Variants in MYO1D observed in about 807,000 individuals in gnomAD.
MYO1D encodes the protein unconventional myosin-Id.
MYO1D carries 83 observed loss-of-function variants against 122.0 expected under a neutral mutation model. The observed-to-expected ratio is 0.68, with a 90% CI of 0.57 to 0.82. The LOEUF is 0.82. MYO1D is among the 40% of genes least tolerant of loss of function. MYO1D has a pLI of 0.00. For missense variants in MYO1D, 1,157 were observed against 1,269.5 expected (o/e 0.91, Z 1.35); for synonymous variants, 464 against 446.9 (o/e 1.04, Z -0.48).
At chr17:32,625,581 G>C (rs147594382) in intron 20 of MYO1D, among the ~76,000 whole-genome samples, 5 of 150,990 alleles carry the variant, frequency 3.3e-5, no homozygotes, top group African/African-American at 1.2e-4. Context: ...ATAGGGTCTC[G>C]CTCTATTGCC....
chr17:32,654,741 G>A, intron 17 of MYO1D, 120 bp from the exon 18 acceptor site: 1 of 942,094 alleles, frequency 1.1e-6, no homozygotes. Flanking sequence ...TGCATGGCAT[G>A]ATCTCAGCTC....
intron 21 of MYO1D, among the ~76,000 whole-genome samples, chr17:32,599,851 C>T (rs1281467407): frequency 6.6e-6 from 1 of 152,186 alleles, no homozygotes; most frequent in African/African-American, 2.4e-5. Context: ...CAGGGTTTCA[C>T]CATGTTGGCC....
At chr17:32,740,363 T>G (rs906093494) in intron 13 of MYO1D, among the ~76,000 whole-genome samples, 1 of 152,116 alleles carries the variant, frequency 6.6e-6, no homozygotes, top group African/African-American at 2.4e-5. Context: ...ACTGTAAAGG[T>G]TGGAAATGAA....
chr17:32,538,773 C>A (rs1453746694), intron 21 of MYO1D, among the ~76,000 whole-genome samples: 2 of 152,038 alleles, frequency 1.3e-5, no homozygotes, highest in African/African-American at 2.4e-5. Flanking sequence ...GCCGTAAAAA[C>A]GAATGAGATC....
intron 1 of MYO1D, among the ~76,000 whole-genome samples, chr17:32,811,562 T>C (rs570914472): frequency 6.6e-6 from 1 of 152,020 alleles, no homozygotes; most frequent in Admixed American, 6.5e-5. Flanking sequence ...ATTTCAAACC[T>C]TGTAGTAGAC....
At chr17:32,706,955 C>G (rs2089317037) in intron 16 of MYO1D, among the ~76,000 whole-genome samples, 5 of 152,226 alleles carry the variant, frequency 3.3e-5, no homozygotes, top group South Asian at 2.1e-4. Flanking sequence ...CTCGGCCCCC[C>G]AAAGTGCTGG....
rs185943329 is a variant in MYO1D, at chr17:32,806,988, T to C, written c.96-26204A>G. Among the ~76,000 whole-genome samples the C allele has an allele frequency of 3.2e-4, 48 of 152,360 alleles. 1 individual carries two copies. The highest frequency in any genetic ancestry group is 6.8e-3 in the Middle Eastern group (2 of 294). The stretch of plus-strand genomic sequence containing the variant: ...ATAAAAATGTAGGTGAATTTGGCAA[T>C]TCTCTTTGGTCTATACATATTATAT... On this transcript the variant is annotated intron_variant, in intron 1 of 21. Coordinates refer to ENST00000318217, the MANE Select transcript of MYO1D (RefSeq NM_015194.3).
At chr17:32,830,324 C>G (rs1488452646) in intron 1 of MYO1D, 1 of 152,160 alleles carries the variant, frequency 6.6e-6, no homozygotes, top group Non-Finnish European at 1.5e-5. Context: ...TACCTTCAGA[C>G]CAGCCACGAT....
At chr17:32,865,876 C>G (rs2091119835) in intron 1 of MYO1D, among the ~76,000 whole-genome samples, 1 of 152,176 alleles carries the variant, frequency 6.6e-6, no homozygotes. Context: ...TCTTGATTCC[C>G]TTCTCCATCA....
chr17:32,870,617 GA>G (rs1280250106), intron 1 of MYO1D, among the ~76,000 whole-genome samples: 3 of 148,188 alleles, frequency 2.0e-5, no homozygotes, highest in Non-Finnish European at 4.5e-5. Flanking sequence ...AAAAAAGAAA[GA>G]AAAAAAAGAA....
intron 16 of MYO1D, among the ~76,000 whole-genome samples, chr17:32,668,106 T>C (rs1455518772): frequency 6.6e-6 from 1 of 152,210 alleles, no homozygotes; most frequent in East Asian, 1.9e-4. Context: ...CTGCTTTCTT[T>C]TGTTTGGTTT....
At chr17:32,785,166 G>A (rs1275501802) in intron 1 of MYO1D, among the ~76,000 whole-genome samples, 1 of 152,096 alleles carries the variant, frequency 6.6e-6, no homozygotes, top group African/African-American at 2.4e-5. Context: ...TTTGAGTTAG[G>A]CAGAAGAGAA....
At chr17:32,783,989 AGGAGT>A (rs1160230302) in intron 1 of MYO1D, among the ~76,000 whole-genome samples, 1 of 152,236 alleles carries the variant, frequency 6.6e-6, no homozygotes, top group Non-Finnish European at 1.5e-5. Context: ...GAATTAAAAA[AGGAGT>A]GGAGAACAGG....
At chr17:32,665,652 G>A (rs2088626625) in intron 16 of MYO1D, among the ~76,000 whole-genome samples, 1 of 152,180 alleles carries the variant, frequency 6.6e-6, no homozygotes. Context: ...TATTGCACCT[G>A]TTACCTCTAA....
At chr17:32,669,134 T>C (rs575954928) in intron 16 of MYO1D, among the ~76,000 whole-genome samples, 16 of 152,338 alleles carry the variant, frequency 1.1e-4, no homozygotes, top group African/African-American at 3.6e-4. Context: ...TTATGCCACT[T>C]TGGCATAAAG....
At chr17:32,649,613 C>T (rs1182511284) in intron 19 of MYO1D, among the ~76,000 whole-genome samples, 1 of 140,350 alleles carries the variant, frequency 7.1e-6, no homozygotes, top group East Asian at 2.0e-4. Flanking sequence ...ACTCTGTTGC[C>T]CAGGCTGGAG....
At chr17:32,689,351 C>G (rs1376450940) in intron 16 of MYO1D, among the ~76,000 whole-genome samples, 3 of 152,190 alleles carry the variant, frequency 2.0e-5, no homozygotes, top group African/African-American at 7.2e-5. Flanking sequence ...CAACTCAGGA[C>G]AGCTGAGTAG....
chr17:32,831,276 C>T (rs890293621), intron 1 of MYO1D, among the ~76,000 whole-genome samples: 6 of 152,126 alleles, frequency 3.9e-5, no homozygotes, highest in South Asian at 2.1e-4. Context: ...ATGATATTCG[C>T]TTGGAGGAGA....
At chr17:32,539,276 T>TACACACACACACACAC (rs5819986) in intron 21 of MYO1D, among the ~76,000 whole-genome samples, 6 of 133,516 alleles carry the variant, frequency 4.5e-5, no homozygotes, top group East Asian at 2.3e-4. Flanking sequence ...ACCCTGTCTC[T>TACACACACACACACAC]ACACACACAC....
Sources: gnomAD v4.1 joint callset for allele counts (sites outside exome capture counted in the v4.1 genomes callset) on GRCh38, gnomAD v4.1.1 for gene constraint, MANE v1.5 for transcripts, NCBI Gene and HGNC (gene_info 2026-07-23, HGNC 2026-07-21) for gene names.